KDM2A: variants seen among roughly 807,000 people sequenced by gnomAD.
KDM2A encodes lysine-specific demethylase 2A.
A neutral mutation model predicts 137.3 loss-of-function variants in KDM2A; 3 were observed. The ratio of observed to expected loss-of-function variants is 0.02; its 90% CI spans 0.01 to 0.06. KDM2A has a LOEUF of 0.06. Among genes scored for constraint, KDM2A ranks in the 10% least tolerant of loss-of-function variants. The pLI is 1.00. For missense variants in KDM2A, 738 were observed against 1,510.6 expected, an observed-to-expected ratio of 0.49 and a Z score of 8.48; for synonymous variants, 512 against 541.5, an observed-to-expected ratio of 0.95 and a Z score of 0.76.
chr11:67,147,635 G>C (rs1421072759), intron 2 of KDM2A, among the ~76,000 whole-genome samples: 1 of 151,244 alleles, frequency 6.6e-6, no homozygotes, highest in East Asian at 1.9e-4. Flanking sequence ...GAATTTCAAG[G>C]ATCAAGGGCT....
At chr11:67,208,920 T>C (rs1590787207) in intron 6 of KDM2A, among the ~76,000 whole-genome samples, 1 of 151,900 alleles carries the variant, frequency 6.6e-6, no homozygotes, top group East Asian at 1.9e-4. Context: ...AAAATAAAAA[T>C]AAACATTTTT....
intron 2 of KDM2A, among the ~76,000 whole-genome samples, chr11:67,155,576 T>A (rs1856494145): frequency 6.6e-6 from 1 of 151,988 alleles, no homozygotes; most frequent in Non-Finnish European, 1.5e-5. Flanking sequence ...GTTGCTGGGA[T>A]TACAGGAGTG....
intron 6 of KDM2A, among the ~76,000 whole-genome samples, chr11:67,208,532 A>G (rs1371553486): frequency 6.6e-6 from 1 of 151,920 alleles, no homozygotes; most frequent in African/African-American, 2.4e-5. Flanking sequence ...GCACTTTGGG[A>G]TCCGAGGTAG....
At chr11:67,170,387 G>C (rs200996327) in intron 2 of KDM2A, among the ~76,000 whole-genome samples, 1 of 56,328 alleles carries the variant, frequency 1.8e-5, no homozygotes, top group African/African-American at 3.5e-5. Context: ...CAAGCATGGG[G>C]TTTTTTTTTT....
chr11:67,143,909 G>A (rs373125477), intron 2 of KDM2A, among the ~76,000 whole-genome samples: 83 of 152,004 alleles, frequency 5.5e-4, no homozygotes, highest in African/African-American at 1.9e-3. Context: ...TGGGTTTACA[G>A]GCATGAGCCA....
At chr11:67,236,409 C>T (rs1366919092) in intron 12 of KDM2A, among the ~76,000 whole-genome samples, 1 of 152,122 alleles carries the variant, frequency 6.6e-6, no homozygotes, top group Non-Finnish European at 1.5e-5. Flanking sequence ...GGATTATAGG[C>T]ATGAGCCACC....
chr11:67,183,270 A>T (rs1844271835), intron 5 of KDM2A, among the ~76,000 whole-genome samples: 1 of 152,226 alleles, frequency 6.6e-6, no homozygotes, highest in African/African-American at 2.4e-5. Flanking sequence ...CAGAAAACCT[A>T]CCTGAATATG....
At chr11:67,125,608 C>T (rs1855702823) in intron 2 of KDM2A, among the ~76,000 whole-genome samples, 1 of 151,602 alleles carries the variant, frequency 6.6e-6, no homozygotes, top group Non-Finnish European at 1.5e-5. Context: ...CCCATCTCTA[C>T]TAAAAATACA....
chr11:67,132,255 C>G (rs973908944), intron 2 of KDM2A, among the ~76,000 whole-genome samples: 8 of 152,250 alleles, frequency 5.3e-5, no homozygotes, highest in Non-Finnish European at 7.4e-5. Context: ...ACTTTGAAAG[C>G]CAAGTATGGA....
Position 67,228,717 on chromosome 11 carries a change from A to G in KDM2A, c.1084+554A>G, listed in dbSNP as rs72928961. 2.2e-3 allele frequency among the ~76,000 whole-genome samples: 330 copies of G among 150,204 alleles called. 1 individual carries two copies. The highest frequency in any genetic ancestry group is 4.1e-3 in the Non-Finnish European group (275 of 67,498). ...AAAAAAAAAAAAGAAAGAAAGAACG[A>G]TGATCAGTTGTCTAATATGCTTTTT... On this transcript the variant is annotated intron_variant, in intron 11 of 20. Coordinates refer to ENST00000529006, the MANE Select transcript of KDM2A (RefSeq NM_012308.3).
intron 5 of KDM2A, among the ~76,000 whole-genome samples, chr11:67,190,794 A>G (rs1847898984): frequency 6.6e-6 from 1 of 152,216 alleles, no homozygotes; most frequent in South Asian, 2.1e-4. Flanking sequence ...TTCATCAATA[A>G]ATTGGATAAC....
Position 67,250,351 on chromosome 11 carries a change from G to A in KDM2A, c.2321G>A (p.Arg774Gln), listed in dbSNP as rs767673723. ...CAGGCCACAGAGCGCACCATGGTACGGGAAAAGGAGAACAATCCCAGCGGC... is the reference window on the plus strand; with the variant it reads ...CAGGCCACAGAGCGCACCATGGTACAGGAAAAGGAGAACAATCCCAGCGGC... ...RLQATERTMVREKENNPSGKK... is the reference protein window; with the variant it reads ...RLQATERTMVQEKENNPSGKK... Residue 774 changes from arginine (R) to glutamine (Q), a missense_variant, in exon 17 of 21, where the codon CGG becomes CAG. Physicochemically the swap from Arg to Gln is conservative, Grantham distance 43. This residue lies in a region of KDM2A where 244 missense variants were observed against 324.6 expected (regional missense o/e 0.75). Coordinates refer to ENST00000529006, the MANE Select transcript of KDM2A (RefSeq NM_012308.3). This position sits in a 1 kb window ranked among gnomAD's most constrained non-coding sequence, Gnocchi z 7.1. 7 of 1,613,948 alleles carry A rather than the reference G, an allele frequency of 4.3e-6. No homozygotes were observed. The highest frequency in any genetic ancestry group is 1.7e-5 in the Admixed American group (1 of 60,022).
chr11:67,170,408 CTT>C lies in KDM2A; in HGVS notation c.43-9650_43-9649del, dbSNP rs923665021. ...TGGGGTTTTTTTTTTTTCTTTCTTT[CTT>C]TTTTTTTTTTTTTTTTTTTTGAGAT... On this transcript the variant is annotated intron_variant, in intron 2 of 20. Coordinates refer to ENST00000529006, the MANE Select transcript of KDM2A (RefSeq NM_012308.3). Among the ~76,000 whole-genome samples, 14 of 92,820 alleles carry C rather than the reference CTT, an allele frequency of 1.5e-4. No individual in the cohort carries two copies. The East Asian group carries it at 2.3e-3, about 15-fold the overall frequency. The allele number at this position is 92,820 out of a possible 152,430, so 60.9% of individuals were successfully genotyped here. A position where few individuals can be genotyped will look rare whatever the true frequency, so the allele number is the denominator to read the frequency against.
chr11:67,187,548 T>TTTTATTTATTTATTTATTTA (rs138753050), intron 5 of KDM2A, among the ~76,000 whole-genome samples: 2 of 147,476 alleles, frequency 1.4e-5, no homozygotes, highest in African/African-American at 5.1e-5. Context: ...ATTTAATTGA[T>TTTTATTTATTTATTTATTTA]TTTATTTATT....
intron 5 of KDM2A, among the ~76,000 whole-genome samples, chr11:67,200,960 G>A (rs763315731): frequency 5.3e-5 from 8 of 151,940 alleles, no homozygotes; most frequent in East Asian, 1.9e-4. Flanking sequence ...TTGGGAGGTC[G>A]AGGCGGGTGG....
chr11:67,184,880 T>C (rs1857169901), intron 5 of KDM2A, among the ~76,000 whole-genome samples: 1 of 151,642 alleles, frequency 6.6e-6, no homozygotes, highest in Admixed American at 6.6e-5. Context: ...CAAAAAACCC[T>C]GGGGAAGGGA....
chr11:67,243,074 G>C lies in KDM2A; in HGVS notation c.1545G>C (p.Gln515His). Residue 515 changes from glutamine to histidine, a missense_variant, in exon 13 of 21, where the codon CAG (glutamine) becomes CAC (histidine). Physicochemically the swap from Gln to His is conservative, Grantham distance 24. Around this residue, in one of 9 missense-constraint regions of KDM2A, gnomAD observed 71 missense variants for 147.9 expected, o/e 0.48. Coordinates refer to ENST00000529006, the MANE Select transcript of KDM2A (RefSeq NM_012308.3). ...KLALTGVPIV[Q>H]WPKRDKLKFP... ...CCCTCACTGGAGTTCCTATAGTACA[G>C]TGGCCAAAAAGGGATAAGGTAAGAA... 6.2e-7 allele frequency: 1 copy of C among 1,613,120 alleles called. No homozygotes were observed. The highest frequency in any genetic ancestry group is 8.5e-7 in the Non-Finnish European group (1 of 1,179,248).
At chr11:67,166,511 A>G (rs760368999) in intron 2 of KDM2A, among the ~76,000 whole-genome samples, 3 of 152,038 alleles carry the variant, frequency 2.0e-5, no homozygotes, top group Non-Finnish European at 2.9e-5. Flanking sequence ...TCTGAGTTAT[A>G]TTATTGTTTC....
At chr11:67,239,456 A>G (rs1235350150) in intron 12 of KDM2A, among the ~76,000 whole-genome samples, 1 of 152,180 alleles carries the variant, frequency 6.6e-6, no homozygotes, top group Non-Finnish European at 1.5e-5. Context: ...GACATGGGCC[A>G]TTTCTGAAGG....
Sources: gnomAD v4.1 joint callset for allele counts (sites outside exome capture counted in the v4.1 genomes callset) on GRCh38, gnomAD v4.1.1 for gene constraint, gnomAD v4.1.1 regional missense constraint, Gnocchi (gnomAD v3.1) non-coding constraint, MANE v1.5 for transcripts, NCBI Gene and HGNC (gene_info 2026-07-23, HGNC 2026-07-21) for gene names.